The following PSME4 variants were observed in gnomAD, a reference collection of about 807,000 sequenced individuals.
PSME4 encodes proteasome activator subunit 4.
In PSME4, 89 loss-of-function variants were observed where a neutral mutation model predicts 253.9. The ratio of observed to expected loss-of-function variants is 0.35; its 90% CI spans 0.30 to 0.42. The LOEUF is 0.42. Ranked by LOEUF, PSME4 falls within the 10% of genes least tolerant of loss-of-function variation. The pLI, the probability that PSME4 is intolerant of heterozygous loss-of-function variation, is 1.00. For synonymous variants in PSME4, 851 were observed against 759.2 expected, an observed-to-expected ratio of 1.12 and a Z score of -1.99; for missense variants, 2,014 against 2,195.2, an observed-to-expected ratio of 0.92 and a Z score of 1.65.
chr2:53,890,331 TG>T, intron 36 of PSME4, 123 bp from the exon 37 acceptor site: 5 of 677,084 alleles, frequency 7.4e-6, no homozygotes, highest in Non-Finnish European at 1.3e-5. Flanking sequence ...TTTTGAGACA[TG>T]GTCTCATGCT....
intron 43 of PSME4, chr2:53,870,092 A>G (rs1161869471): frequency 6.6e-6 from 1 of 152,256 alleles, no homozygotes; most frequent in Non-Finnish European, 1.5e-5. Flanking sequence ...ATGGTAACTC[A>G]ACTTTTGGGA....
rs1031062328 is a variant in PSME4, at chr2:53,921,015, C to T, written c.2136G>A (p.Gln712=). ...AAAGGTTACAAGACAGAGTGTAACC[C>T]TGCTTACAGGTTAAATGTAGGGTTC... ...LQRTLHLTCK[Q]GYTLSCNLLH... is the part of the protein sequence containing the mutation. The change falls in exon 18 of 47, where the codon CAG becomes CAA. Residue 712 remains glutamine (Q), a synonymous_variant. Coordinates refer to ENST00000404125, the MANE Select transcript of PSME4 (RefSeq NM_014614.3). 3 of 1,614,086 alleles carry T rather than the reference C, an allele frequency of 1.9e-6. No individual in the cohort carries two copies. The highest frequency in any genetic ancestry group is 2.5e-6 in the Non-Finnish European group (3 of 1,179,970).
Position 53,875,750 on chromosome 2 carries a change from G to C in PSME4, c.4821C>G (p.Ala1607=). The C allele has an allele frequency of 1.2e-6, 2 of 1,608,316 alleles. No individual in the cohort carries two copies. The highest frequency in any genetic ancestry group is 1.7e-6 in the Non-Finnish European group (2 of 1,177,856). Residue 1607 remains alanine (A), a synonymous_variant, in exon 42 of 47, where the codon GCC becomes GCG. Transcript: ENST00000404125. Reference sequence around the variant, plus strand: ...CGTAGCTATTGTCATTTTCCACTGGGGCAATCTAAAAAACAATGTAAAAAG... The same window carrying C: ...CGTAGCTATTGTCATTTTCCACTGGCGCAATCTAAAAAACAATGTAAAAAG... The part of the protein sequence containing the change: ...LQLLPLFFKI[A]PVENDNSYDE...
intron 1 of PSME4, among the ~76,000 whole-genome samples, chr2:53,970,101 C>A (rs1197578487): frequency 6.6e-6 from 1 of 152,074 alleles, no homozygotes. Context: ...AGGCGGGGAT[C>A]GTAGGGGAAG....
chr2:53,922,286 C>T (rs1362085815), intron 17 of PSME4, among the ~76,000 whole-genome samples: 2 of 152,150 alleles, frequency 1.3e-5, no homozygotes, highest in African/African-American at 4.8e-5. Flanking sequence ...ATGAGTTACC[C>T]ATATTAGAAT....
At chr2:53,901,656 G>A in intron 27 of PSME4, 97 bp from the exon 28 acceptor site, 1 of 920,510 alleles carries the variant, frequency 1.1e-6, no homozygotes, top group Admixed American at 2.6e-5. Flanking sequence ...AATGAGTATT[G>A]ATTACTTAAA....
chr2:53,922,551 T>C lies in PSME4; in HGVS notation c.2012A>G (p.Lys671Arg). 1.1e-5 allele frequency: 17 copies of C among 1,613,034 alleles called. No homozygotes were observed. The highest frequency in any genetic ancestry group is 1.4e-5 in the Non-Finnish European group (17 of 1,179,602). The stretch of plus-strand genomic sequence containing the variant: ...AAGTTGAAGATTCCATAGTAATTCC[T>C]TGTCTAGCTCTTCATCATTTAATAC... Reference protein sequence around the residue: ...DDVLNDEELDKELLWNLQLLS... With the variant: ...DDVLNDEELDRELLWNLQLLS... Residue 671 changes from lysine to arginine, a missense_variant, in exon 17 of 47, where the codon AAG (lysine) becomes AGG (arginine). This residue lies in a region of PSME4 where 989 missense variants were observed against 1,021.1 expected (regional missense o/e 0.97). Coordinates refer to ENST00000404125, the MANE Select transcript of PSME4 (RefSeq NM_014614.3).
chr2:53,925,869 G>C (rs1443002286), intron 13 of PSME4, 90 bp downstream of exon 13: 87 of 1,389,312 alleles, frequency 6.3e-5, no homozygotes, highest in Non-Finnish European at 8.7e-5. Context: ...CTAAATAAAG[G>C]TTATAATGCA....
In PSME4 at chr2:53,914,497, A is replaced by G. The variant is rs185557844; in HGVS notation, c.2517-4367T>C. Among the ~76,000 whole-genome samples, 30 of 152,368 alleles carry G rather than the reference A, an allele frequency of 2.0e-4. No individual in the cohort carries two copies. The East Asian group carries it at 5.2e-3, about 26-fold the overall frequency. On this transcript the variant is annotated intron_variant, in intron 20 of 46. Coordinates refer to ENST00000404125, the MANE Select transcript of PSME4 (RefSeq NM_014614.3). ...CTGTTAAAAATTCAAACTGTTTTCA[A>G]TAGTACGAAATAAGAAAAAAATTTA...
chr2:53,888,724 G>C lies in PSME4; in HGVS notation c.4385C>G (p.Ala1462Gly). The C allele has an allele frequency of 6.2e-7, 1 of 1,605,454 alleles. No individual in the cohort carries two copies. Among genetic ancestry groups the C allele is most frequent in the Non-Finnish European group, 8.5e-7 (1 of 1,173,110 alleles). Reference sequence around the variant, plus strand: ...TAGGTTTTTTAAAAAAATTTACCATGCATCTACAAAGGATCCTCCTTCACC... The same window carrying C: ...TAGGTTTTTTAAAAAAATTTACCATCCATCTACAAAGGATCCTCCTTCACC... ...LSGEGGSFVD[A>G]CRLYVLQGGL... The change falls in exon 38 of 47, where the codon GCA becomes GGA. Residue 1462 changes from alanine (A) to glycine (G), a missense_variant. Ala to Gly is a moderately conservative substitution (Grantham distance 60). This residue lies in a region of PSME4 where 403 missense variants were observed against 556.1 expected (regional missense o/e 0.72). Coordinates refer to ENST00000404125, the MANE Select transcript of PSME4 (RefSeq NM_014614.3).
chr2:53,907,896 G>T (rs1448590160), intron 24 of PSME4: 1 of 158,490 alleles, frequency 6.3e-6, no homozygotes, highest in Non-Finnish European at 1.4e-5. Flanking sequence ...GGCTTACACT[G>T]ATACTCTTTC....
intron 10 of PSME4, among the ~76,000 whole-genome samples, chr2:53,931,298 C>G (rs1465434346): frequency 2.0e-5 from 3 of 152,128 alleles, no homozygotes; most frequent in Non-Finnish European, 1.5e-5. Context: ...AGCTGTCTCT[C>G]TCTTTGTAAG....
chr2:53,873,986 C>A (rs527289242), intron 43 of PSME4, among the ~76,000 whole-genome samples: 9 of 152,240 alleles, frequency 5.9e-5, no homozygotes, highest in African/African-American at 1.9e-4. Context: ...TTTTTTGAGA[C>A]AGGGTCTCAC....
intron 41 of PSME4, among the ~76,000 whole-genome samples, chr2:53,882,213 G>A (rs139830790): frequency 0.012 from 1,824 of 152,204 alleles, 14 homozygotes; most frequent in Admixed American, 0.018. Flanking sequence ...AAAAATATGT[G>A]CAAAGTGCAA....
chr2:53,933,965 A>C (rs1422073444), intron 8 of PSME4, among the ~76,000 whole-genome samples: 5 of 152,242 alleles, frequency 3.3e-5, no homozygotes, highest in African/African-American at 1.2e-4. Context: ...AAACTTTTAA[A>C]CAAAAAAAAA....
At chr2:53,954,432 G>A (rs1670139927) in intron 1 of PSME4, among the ~76,000 whole-genome samples, 1 of 152,208 alleles carries the variant, frequency 6.6e-6, no homozygotes, top group South Asian at 2.1e-4. Flanking sequence ...TTGAATCCAG[G>A]AGTTCAAGAC....
At chr2:53,962,611 T>C (rs1443951276) in intron 1 of PSME4, among the ~76,000 whole-genome samples, 1 of 152,196 alleles carries the variant, frequency 6.6e-6, no homozygotes, top group African/African-American at 2.4e-5. Flanking sequence ...GTGGTCAGAA[T>C]GAGATTTTCT....
intron 21 of PSME4, 135 bp downstream of exon 21, chr2:53,909,940 A>G: frequency 1.2e-6 from 1 of 817,580 alleles, no homozygotes; most frequent in Non-Finnish European, 2.1e-6. Context: ...ACCACACTCC[A>G]GCCTGGGAGA....
chr2:53,888,611 A>G (rs1679748446), intron 38 of PSME4, 110 bp downstream of exon 38: 2 of 681,178 alleles, frequency 2.9e-6, no homozygotes, highest in African/African-American at 3.5e-5. Flanking sequence ...TCCAGAAGAA[A>G]GTAATTACTT....
Sources: gnomAD v4.1 joint callset for allele counts (sites outside exome capture counted in the v4.1 genomes callset) on GRCh38, gnomAD v4.1.1 for gene constraint, gnomAD v4.1.1 regional missense constraint, MANE v1.5 for transcripts, NCBI Gene and HGNC (gene_info 2026-07-23, HGNC 2026-07-21) for gene names.